Variants in DCC observed in about 807,000 individuals in gnomAD.
DCC encodes the protein DCC netrin 1 receptor.
DCC carries 58 observed loss-of-function variants against 172.5 expected under a neutral mutation model. That is an observed-to-expected ratio of 0.34 (90% CI 0.27 to 0.42). The LOEUF (loss-of-function observed/expected upper bound fraction) is 0.42, where lower values mean the gene tolerates loss of function less well. Among genes scored for constraint, DCC ranks in the 10% least tolerant of loss-of-function variants. The pLI is 1.00. For missense variants in DCC, 1,740 were observed against 1,791.0 expected, an observed-to-expected ratio of 0.97 and a Z score of 0.51; for synonymous variants, 709 against 644.5, an observed-to-expected ratio of 1.10 and a Z score of -1.52.
At chr18:52,446,420 C>A (rs1340503357) in intron 1 of DCC, among the ~76,000 whole-genome samples, 2 of 152,208 alleles carry the variant, frequency 1.3e-5, no homozygotes, top group Non-Finnish European at 2.9e-5. Context: ...GTATCGCCAT[C>A]TTTCTTCTTT....
At chr18:52,376,353 T>A (rs1057497890) in intron 1 of DCC, among the ~76,000 whole-genome samples, 43 of 152,278 alleles carry the variant, frequency 2.8e-4, no homozygotes, top group Non-Finnish European at 5.6e-4. Flanking sequence ...ACCCAGTAAG[T>A]AGGCAAATTC....
chr18:53,432,275 G>A (rs2145111546), intron 21 of DCC, among the ~76,000 whole-genome samples: 1 of 152,090 alleles, frequency 6.6e-6, no homozygotes, highest in East Asian at 1.9e-4. Flanking sequence ...CCATAAATAG[G>A]CCTGCATAGG....
At chr18:53,504,763 G>T (rs1598818252) in intron 27 of DCC, among the ~76,000 whole-genome samples, 1 of 152,170 alleles carries the variant, frequency 6.6e-6, no homozygotes, top group African/African-American at 2.4e-5. Flanking sequence ...AGAGGAGAGA[G>T]AAATAATTTC....
intron 2 of DCC, among the ~76,000 whole-genome samples, chr18:52,773,895 GATAA>G (rs1257885159): frequency 2.0e-5 from 3 of 152,132 alleles, no homozygotes; most frequent in Non-Finnish European, 2.9e-5. Flanking sequence ...TTGTAGGAAA[GATAA>G]ATCAGATACA....
At chr18:53,022,409 G>C (rs1568250683) in intron 5 of DCC, among the ~76,000 whole-genome samples, 1 of 151,734 alleles carries the variant, frequency 6.6e-6, no homozygotes, top group Non-Finnish European at 1.5e-5. Flanking sequence ...TGAGATAGTT[G>C]GAAGCACTAA....
At chr18:52,743,027 TTA>T (rs1395305634) in intron 1 of DCC, among the ~76,000 whole-genome samples, 1 of 152,192 alleles carries the variant, frequency 6.6e-6, no homozygotes, top group East Asian at 1.9e-4. Flanking sequence ...ATATATGATT[TTA>T]TGTCCATATT....
chr18:53,147,797 A>ACACCATATCCTTGAGTAAATTATTT, intron 7 of DCC, among the ~76,000 whole-genome samples: 1 of 152,296 alleles, frequency 6.6e-6, no homozygotes, highest in Non-Finnish European at 1.5e-5. Flanking sequence ...AGCTATCCTG[A>ACACCATATCCTTGAGTAAATTATTT]CACCATATCC....
intron 25 of DCC, among the ~76,000 whole-genome samples, chr18:53,473,988 G>T (rs2045730564): frequency 6.6e-6 from 1 of 151,564 alleles, no homozygotes. Flanking sequence ...TATTCTACAT[G>T]AATGGAACCC....
chr18:53,176,489 A>T (rs1598877551), intron 8 of DCC, among the ~76,000 whole-genome samples: 1 of 150,364 alleles, frequency 6.7e-6, no homozygotes, highest in African/African-American at 2.5e-5. Context: ...CAAGAAAAAA[A>T]CAAACAACCC....
intron 1 of DCC, among the ~76,000 whole-genome samples, chr18:52,403,120 T>G (rs1397671476): frequency 6.6e-6 from 1 of 151,976 alleles, no homozygotes; most frequent in Non-Finnish European, 1.5e-5. Flanking sequence ...TGACTATTTG[T>G]TTTTTTGAGA....
intron 1 of DCC, among the ~76,000 whole-genome samples, chr18:52,414,672 G>C (rs1178966830): frequency 1.3e-5 from 2 of 152,182 alleles, no homozygotes; most frequent in Non-Finnish European, 2.9e-5. Flanking sequence ...TGAGACTCAT[G>C]CAAGGTGGAG....
chr18:53,518,969 G>C (rs76854209), intron 27 of DCC, among the ~76,000 whole-genome samples: 16 of 152,022 alleles, frequency 1.1e-4, no homozygotes, highest in African/African-American at 3.9e-4. Context: ...AAAAATGACA[G>C]AACATTTATT....
chr18:52,582,863 C>T (rs892174803), intron 1 of DCC, among the ~76,000 whole-genome samples: 5 of 152,180 alleles, frequency 3.3e-5, no homozygotes, highest in African/African-American at 1.2e-4. Flanking sequence ...AAAATGACAA[C>T]TTTTTTTTCT....
chr18:52,907,797 G>T (rs557124914), intron 3 of DCC, among the ~76,000 whole-genome samples: 1 of 152,264 alleles, frequency 6.6e-6, no homozygotes, highest in South Asian at 2.1e-4. Context: ...ATCCGGCAGT[G>T]GCAAAGACTG....
chr18:53,360,405 G>A (rs2057933298), intron 15 of DCC, among the ~76,000 whole-genome samples: 1 of 152,068 alleles, frequency 6.6e-6, no homozygotes, highest in East Asian at 1.9e-4. Context: ...TGAGAGAGGT[G>A]AGTGGGTATA....
chr18:53,320,702 C>T (rs1389719762), intron 13 of DCC, among the ~76,000 whole-genome samples: 1 of 152,068 alleles, frequency 6.6e-6, no homozygotes, highest in African/African-American at 2.4e-5. Context: ...CTAATGTTTT[C>T]TTTATGTTAA....
chr18:52,697,705 T>C (rs2036037270), intron 1 of DCC, among the ~76,000 whole-genome samples: 2 of 152,214 alleles, frequency 1.3e-5, no homozygotes, highest in South Asian at 2.1e-4. Flanking sequence ...GACATAGATA[T>C]AAGTGCATTG....
intron 12 of DCC, among the ~76,000 whole-genome samples, chr18:53,216,292 G>A (rs1416224708): frequency 2.0e-5 from 3 of 152,142 alleles, no homozygotes; most frequent in Non-Finnish European, 4.4e-5. Context: ...GATTCACCTG[G>A]TTTGACCCTG....
intron 3 of DCC, among the ~76,000 whole-genome samples, chr18:52,921,152 GTA>G (rs914251401): frequency 1.4e-3 from 4 of 2,882 alleles, no homozygotes; most frequent in African/African-American, 2.1e-3. Context: ...AGTAAAGGGT[GTA>G]AATAATGTCA....
Sources: allele counts gnomAD v4.1 joint callset (sites outside exome capture counted in the v4.1 genomes callset), GRCh38; gene constraint gnomAD v4.1.1; transcripts MANE v1.5; gene names NCBI Gene and HGNC (gene_info 2026-07-23, HGNC 2026-07-21).